PDZD2: variants seen among roughly 807,000 people sequenced by gnomAD.
PDZD2 encodes PDZ domain-containing protein 2.
Under a neutral mutation model 220.7 loss-of-function variants are expected in PDZD2, and 90 were observed. The observed-to-expected ratio is 0.41, with a 90% CI of 0.34 to 0.49. The LOEUF (loss-of-function observed/expected upper bound fraction) is 0.49. Among genes scored for constraint, PDZD2 ranks in the 20% least tolerant of loss-of-function variants. The pLI, the probability that PDZD2 is intolerant of heterozygous loss-of-function variation, is 0.28. For missense variants in PDZD2, 3,174 were observed against 3,608.5 expected, an observed-to-expected ratio of 0.88 and a Z score of 3.08; for synonymous variants, 1,375 against 1,450.5, an observed-to-expected ratio of 0.95 and a Z score of 1.18.
chr5:31,961,859 C>T (rs1032707148), intron 2 of PDZD2, among the ~76,000 whole-genome samples: 5 of 152,170 alleles, frequency 3.3e-5, no homozygotes, highest in African/African-American at 4.8e-5. Flanking sequence ...GGCTAGGCTG[C>T]GCCCACCTTG....
In PDZD2 at chr5:32,074,359, C is replaced by T. The variant is rs761987954; in HGVS notation, c.3253C>T (p.Pro1085Ser). The change falls in exon 18 of 25, where the codon CCC becomes TCC. Residue 1085 changes from proline (P) to serine (S), a missense_variant. Coordinates refer to ENST00000438447, the MANE Select transcript of PDZD2 (RefSeq NM_178140.4). ...KKELSGSSSA[P>S]KLEYTVRTDT... ...GGAACTGTCAGGATCAAGTAGCGCA[C>T]CCAAATTGGAATACACAGTCCGTAC... is the stretch of plus-strand genomic sequence containing the variant. 3 of 1,614,186 alleles carry T rather than the reference C, an allele frequency of 1.9e-6. No individual in the cohort carries two copies. The highest frequency in any genetic ancestry group is 2.5e-6 in the Non-Finnish European group (3 of 1,180,036).
intron 7 of PDZD2, among the ~76,000 whole-genome samples, chr5:32,047,265 T>G (rs1172378566): frequency 6.6e-6 from 1 of 152,142 alleles, no homozygotes; most frequent in Non-Finnish European, 1.5e-5. Context: ...TTTTCCAGAA[T>G]AGCCAAAATT....
At chr5:31,877,676 C>CTATTTATT (rs72473783) in intron 2 of PDZD2, among the ~76,000 whole-genome samples, 1 of 150,422 alleles carries the variant, frequency 6.6e-6, no homozygotes, top group Non-Finnish European at 1.5e-5. Context: ...GCTGAAAGGT[C>CTATTTATT]TATTTATTTA....
chr5:31,685,326 G>A (rs968092713), intron 1 of PDZD2, among the ~76,000 whole-genome samples: 8 of 152,112 alleles, frequency 5.3e-5, no homozygotes, highest in Non-Finnish European at 1.2e-4. Context: ...TTAAAAGCAA[G>A]CTAGACTTTT....
chr5:31,683,802 G>A (rs906819759), intron 1 of PDZD2, among the ~76,000 whole-genome samples: 7 of 152,064 alleles, frequency 4.6e-5, no homozygotes, highest in South Asian at 2.1e-4. Context: ...GGAAATTCTC[G>A]TATGTATATC....
intron 8 of PDZD2, among the ~76,000 whole-genome samples, chr5:32,051,341 A>G (rs1738525790): frequency 6.6e-6 from 1 of 152,212 alleles, no homozygotes. Flanking sequence ...TTGTTGGCAG[A>G]TATTTTGTAA....
rs372411280 is a variant in PDZD2 at position 31,767,980 on chromosome 5, G to A, written c.-360-30909G>A. Among the ~76,000 whole-genome samples, 173 of 152,362 alleles carry A rather than the reference G, an allele frequency of 1.1e-3. 3 individuals are homozygous for A. The South Asian group carries it at 0.035, about 31-fold the overall frequency. ...ACAACCAGATCATTCCTTTGGAACA[G>A]TGTCTTTTTTACCAGCCAGGCTTTC... On this transcript the variant is annotated intron_variant, in intron 1 of 24. Transcript: ENST00000438447.
Position 32,088,490 on chromosome 5 carries a change from A to T in PDZD2, c.5042A>T (p.Asp1681Val), listed in dbSNP as rs774335768. 3.7e-6 allele frequency: 6 copies of T among 1,614,042 alleles called. No individual in the cohort carries two copies. The Admixed American group carries it at 1.0e-4, about 27-fold the overall frequency. ...MSSQEHETHA[D>V]ISTSQNHRPS... is the part of the protein sequence containing the mutation. The stretch of plus-strand genomic sequence containing the variant: ...TCTCAGGAGCATGAAACTCATGCGG[A>T]CATAAGCACTTCACAGAACCACAGG... Residue 1681 changes from aspartate to valine, a missense_variant, in exon 20 of 25, where the codon GAC becomes GTC. Physicochemically the swap from Asp to Val is radical, Grantham distance 152. This residue lies in a region of PDZD2 where 1,861 missense variants were observed against 2,001.0 expected (regional missense o/e 0.93). Coordinates refer to ENST00000438447, the MANE Select transcript of PDZD2 (RefSeq NM_178140.4). The surrounding 1 kb of genome is among the most constrained non-coding windows in gnomAD (Gnocchi z 4.6).
chr5:32,023,852 T>C (rs1754412983), intron 6 of PDZD2, among the ~76,000 whole-genome samples: 1 of 152,180 alleles, frequency 6.6e-6, no homozygotes, highest in Admixed American at 6.5e-5. Flanking sequence ...TATCAGAAAA[T>C]ATAACTCCAG....
intron 2 of PDZD2, among the ~76,000 whole-genome samples, chr5:31,886,833 C>A (rs189222243): frequency 1.8e-4 from 27 of 152,152 alleles, no homozygotes; most frequent in African/African-American, 5.5e-4. Flanking sequence ...GAGTAGCTGG[C>A]ACTACAGGCG....
At chr5:32,052,843 C>G in intron 9 of PDZD2, 113 bp downstream of exon 9, 1 of 1,128,084 alleles carries the variant, frequency 8.9e-7, no homozygotes. Flanking sequence ...CAGGTTCTTG[C>G]TCTGTTGCCC....
chr5:31,726,531 A>G (rs1749150183), intron 1 of PDZD2, among the ~76,000 whole-genome samples: 1 of 152,124 alleles, frequency 6.6e-6, no homozygotes, highest in Non-Finnish European at 1.5e-5. Flanking sequence ...CTCCATCTCC[A>G]AAAAAAAGTA....
chr5:31,914,146 C>T (rs1233017212), intron 2 of PDZD2, among the ~76,000 whole-genome samples: 4 of 152,340 alleles, frequency 2.6e-5, no homozygotes, highest in East Asian at 1.9e-4. Flanking sequence ...CATGCCTACA[C>T]GGCTCCAAAA....
At chr5:31,967,451 A>G (rs1398532378) in intron 2 of PDZD2, among the ~76,000 whole-genome samples, 2 of 152,208 alleles carry the variant, frequency 1.3e-5, no homozygotes, top group African/African-American at 2.4e-5. Context: ...TCAGGCAGAA[A>G]TGGCAAATGT....
intron 1 of PDZD2, among the ~76,000 whole-genome samples, chr5:31,676,766 C>A (rs551311531): frequency 6.6e-6 from 1 of 151,968 alleles, no homozygotes; most frequent in Non-Finnish European, 1.5e-5. Flanking sequence ...GTTGGCCAGG[C>A]TGGTCTCCAG....
intron 1 of PDZD2, among the ~76,000 whole-genome samples, chr5:31,667,787 A>G (rs1746051173): frequency 6.6e-6 from 1 of 151,136 alleles, no homozygotes; most frequent in African/African-American, 2.4e-5. Context: ...CAGTGGGGCA[A>G]TGTTGCTGGG....
At chr5:31,912,286 G>C (rs779430249) in intron 2 of PDZD2, among the ~76,000 whole-genome samples, 79 of 152,058 alleles carry the variant, frequency 5.2e-4, no homozygotes, top group Non-Finnish European at 8.2e-4. Context: ...GGTGGAAGAG[G>C]CCAGGCAGTT....
chr5:31,752,227 T>C (rs1266429624), intron 1 of PDZD2, among the ~76,000 whole-genome samples: 2 of 151,926 alleles, frequency 1.3e-5, no homozygotes, highest in Admixed American at 6.6e-5. Context: ...TACAGGTATG[T>C]GCCACCATGC....
intron 2 of PDZD2, among the ~76,000 whole-genome samples, chr5:31,956,410 T>C (rs1228867611): frequency 7.5e-6 from 1 of 133,506 alleles, no homozygotes; most frequent in African/African-American, 2.9e-5. Flanking sequence ...AAAATCATAA[T>C]GAAAGAGGAG....
Sources: gnomAD v4.1 joint callset for allele counts (sites outside exome capture counted in the v4.1 genomes callset) on GRCh38, gnomAD v4.1.1 for gene constraint, gnomAD v4.1.1 regional missense constraint, Gnocchi (gnomAD v3.1) non-coding constraint, MANE v1.5 for transcripts, NCBI Gene and HGNC (gene_info 2026-07-23, HGNC 2026-07-21) for gene names.